FABP4: variants seen among roughly 807,000 people sequenced by gnomAD.
FABP4 encodes fatty acid-binding protein, adipocyte.
In FABP4, 17 loss-of-function variants were observed where a neutral mutation model predicts 14.6. That is an observed-to-expected ratio of 1.16 (90% CI 0.80 to 1.74). The LOEUF is 1.74. Ranked by LOEUF, FABP4 falls within the 40% of genes most tolerant of loss-of-function variation. The probability of loss-of-function intolerance (pLI) is 0.00; values close to 1 mark genes in which losing one functional copy is unlikely to be tolerated. For synonymous variants in FABP4, 54 were observed against 54.6 expected (o/e 0.99, Z 0.05); for missense variants, 149 against 160.3 (o/e 0.93, Z 0.38).
At chr8:81,479,234 A>C (rs977595252) in intron 3 of FABP4, among the ~76,000 whole-genome samples, 180 bp downstream of exon 3, 1 of 152,216 alleles carries the variant, frequency 6.6e-6, no homozygotes, top group Non-Finnish European at 1.5e-5. Flanking sequence ...CCTAGAAGAC[A>C]GCATGCCTTT....
rs971880246 is a variant in FABP4 at position 81,478,757 on chromosome 8, T to C, written c.*108A>G. 3.9e-6 allele frequency: 4 copies of C among 1,016,504 alleles called. No homozygotes were observed. Among genetic ancestry groups the C allele is most frequent in the African/African-American group, 1.6e-5 (1 of 62,146 alleles). 63.0% of individuals were successfully genotyped at this position (1,016,504 alleles called of 1,614,324 possible). On this transcript the variant is annotated 3_prime_UTR_variant, in exon 4 of 4. Coordinates refer to ENST00000256104, the MANE Select transcript of FABP4 (RefSeq NM_001442.3). ...GAATAAAATCAGCTTGGGAGAAAATTAGTTGCTTGCTAAATCATGGAAAAC... is the reference window on the plus strand; with the variant it reads ...GAATAAAATCAGCTTGGGAGAAAATCAGTTGCTTGCTAAATCATGGAAAAC...
chr8:81,481,078 G>A (rs1218806965), intron 1 of FABP4, among the ~76,000 whole-genome samples: 1 of 152,084 alleles, frequency 6.6e-6, no homozygotes, highest in East Asian at 1.9e-4. Flanking sequence ...AATTTTGGGG[G>A]TTAATGTAGA....
rs779713296 is a variant in FABP4, at chr8:81,478,949, G to GA, written c.349-35_349-34insT. On this transcript the variant is annotated intron_variant, in intron 3 of 3. Coordinates refer to ENST00000256104, the MANE Select transcript of FABP4 (RefSeq NM_001442.3). The stretch of plus-strand genomic sequence containing the variant: ...AAAAAACAATTCTTGGTCAATCACT[G>GA]GATTAAACCATGGATTTATTTATTG... 5 of 1,512,888 alleles carry GA rather than the reference G, an allele frequency of 3.3e-6. No homozygotes were observed. In the African/African-American group the frequency reaches 8.1e-5, roughly 25 times the overall value. The allele number at this position is 1,512,888 out of a possible 1,614,324, so 93.7% of individuals were successfully genotyped here.
intron 3 of FABP4, 75 bp from the exon 4 acceptor site, chr8:81,478,990 G>A: frequency 1.6e-6 from 2 of 1,237,748 alleles, no homozygotes; most frequent in South Asian, 2.5e-5. Context: ...CTGAATGTTG[G>A]GAATAAAACA....
At position 81,478,580 on chromosome 8, in the gene FABP4, ATGT is replaced by A. The variant is rs1808006127; in HGVS notation, c.*282_*284del. On this transcript the variant is annotated 3_prime_UTR_variant, in exon 4 of 4. Transcript: ENST00000256104. ...TTTTTACCTTGAATTATTATGAAATATGTTATTATTCATATCAGAACAAAGAAA... is the reference window on the plus strand; with the variant it reads ...TTTTTACCTTGAATTATTATGAAATATATTATTCATATCAGAACAAAGAAA... 1 of 283,924 alleles carries A rather than the reference ATGT, an allele frequency of 3.5e-6. No individual in the cohort carries two copies. The highest frequency in any genetic ancestry group is 2.2e-5 in the African/African-American group (1 of 45,854). 17.6% of individuals were successfully genotyped at this position (283,924 alleles called of 1,614,324 possible).
chr8:81,480,283 G>A, intron 2 of FABP4, 143 bp downstream of exon 2: 1 of 740,224 alleles, frequency 1.4e-6, no homozygotes, highest in Non-Finnish European at 2.1e-6. Flanking sequence ...CTATATCTAA[G>A]GAAACACAGT....
At chr8:81,481,143 C>T (rs977581413) in intron 1 of FABP4, among the ~76,000 whole-genome samples, 2 of 152,148 alleles carry the variant, frequency 1.3e-5, no homozygotes, top group Admixed American at 6.5e-5. Flanking sequence ...CATTTCATAG[C>T]ATTTGTTGCC....
Position 81,479,408 on chromosome 8 carries a change from A to G in FABP4, c.348+6T>C. Reference sequence around the variant, plus strand: ...ATCCAGAATTAAGTAGCTAGAAGATACTCACCACCACCAGTTTATCATCCT... The same window carrying G: ...ATCCAGAATTAAGTAGCTAGAAGATGCTCACCACCACCAGTTTATCATCCT... On this transcript the variant is annotated splice_donor_region_variant and intron_variant, in intron 3 of 3. Transcript: ENST00000256104. 6.2e-7 allele frequency: 1 copy of G among 1,606,686 alleles called. No homozygotes were observed. The highest frequency in any genetic ancestry group is 8.5e-7 in the Non-Finnish European group (1 of 1,173,582).
At position 81,478,812 on chromosome 8, in the gene FABP4, CAG is replaced by C; in HGVS notation, c.*51_*52del. On this transcript the variant is annotated 3_prime_UTR_variant, in exon 4 of 4. Transcript: ENST00000256104. Reference sequence around the variant, plus strand: ...ATATCTTTTTGAACAATATATCCCACAGAATGTTGTAGAGTTCAATGCGAACT... The same window carrying C: ...ATATCTTTTTGAACAATATATCCCACAATGTTGTAGAGTTCAATGCGAACT... The C allele has an allele frequency of 6.9e-7, 1 of 1,459,224 alleles. No individual in the cohort carries two copies. The highest frequency in any genetic ancestry group is 9.5e-7 in the Non-Finnish European group (1 of 1,054,994). The allele number at this position is 1,459,224 out of a possible 1,614,324, so 90.4% of individuals were successfully genotyped here. A position where few individuals can be genotyped will look rare whatever the true frequency, so the allele number is the denominator to read the frequency against.
chr8:81,480,981 T>TAATA (rs1808071369), intron 1 of FABP4, among the ~76,000 whole-genome samples: 1 of 152,196 alleles, frequency 6.6e-6, no homozygotes, highest in Non-Finnish European at 1.5e-5. Flanking sequence ...TTTTCTCTCT[T>TAATA]AATAAAATAC....
intron 2 of FABP4, 106 bp downstream of exon 2, chr8:81,480,320 G>A (rs1003231434): frequency 8.9e-7 from 1 of 1,117,584 alleles, no homozygotes; most frequent in African/African-American, 1.6e-5. Context: ...AGGGATCTTT[G>A]GCTTATGATA....
chr8:81,479,628 C>A, intron 2 of FABP4, 113 bp from the exon 3 acceptor site: 1 of 663,936 alleles, frequency 1.5e-6, no homozygotes, highest in Non-Finnish European at 2.6e-6. Flanking sequence ...TTCTAAATGA[C>A]AAGAATATAT....
chr8:81,483,003 G>A (rs1000773487), intron 1 of FABP4, 92 bp downstream of exon 1: 6 of 937,328 alleles, frequency 6.4e-6, no homozygotes, highest in East Asian at 2.8e-5. Context: ...TTCTGGCCAG[G>A]GCTTCCAGAC....
chr8:81,480,864 G>C, intron 1 of FABP4, among the ~76,000 whole-genome samples: 1 of 151,666 alleles, frequency 6.6e-6, no homozygotes, highest in Non-Finnish European at 1.5e-5. Context: ...CCCTTTCTCT[G>C]GTCTGGATAC....
intron 1 of FABP4, among the ~76,000 whole-genome samples, chr8:81,482,277 A>C (rs1461688670): frequency 2.0e-5 from 3 of 152,146 alleles, no homozygotes; most frequent in African/African-American, 7.2e-5. Flanking sequence ...CCCAGTTCTG[A>C]CTTTATTGGA....
At chr8:81,480,956 G>T (rs1202706876) in intron 1 of FABP4, among the ~76,000 whole-genome samples, 2 of 152,084 alleles carry the variant, frequency 1.3e-5, no homozygotes, top group Non-Finnish European at 2.9e-5. Flanking sequence ...TATTTAAAAT[G>T]TTAGCCACTG....
Position 81,479,479 on chromosome 8 carries a change from C to T in FABP4, c.283G>A (p.Val95Met), listed in dbSNP as rs1450734289. The change falls in exon 3 of 4, where the codon GTG (valine) becomes ATG (methionine). Residue 95 changes from valine to methionine, a missense_variant. Transcript: ENST00000256104. ...ITLDGGVLVH[V>M]QKWDGKSTTI... ...GTTGATTTTCCATCCCATTTCTGCA[C>T]ATGTACCAGGACACCCCCATCTAAG... 4 of 1,613,382 alleles carry T rather than the reference C, an allele frequency of 2.5e-6. No homozygotes were observed. Among genetic ancestry groups the T allele is most frequent in the African/African-American group, 1.3e-5 (1 of 74,972 alleles).
At chr8:81,479,235 G>A (rs1808023890) in intron 3 of FABP4, among the ~76,000 whole-genome samples, 179 bp downstream of exon 3, 1 of 152,156 alleles carries the variant, frequency 6.6e-6, no homozygotes, top group Non-Finnish European at 1.5e-5. Context: ...CTAGAAGACA[G>A]CATGCCTTTG....
chr8:81,479,518 G>A lies in FABP4; in HGVS notation c.247-3C>T, dbSNP rs112247859. 6.2e-7 allele frequency: 1 copy of A among 1,608,340 alleles called. No individual in the cohort carries two copies. Among genetic ancestry groups the A allele is most frequent in the Non-Finnish European group, 8.5e-7 (1 of 1,175,646 alleles). On this transcript the variant is annotated splice_polypyrimidine_tract_variant and splice_region_variant and intron_variant, in intron 2 of 3. Transcript: ENST00000256104. The stretch of plus-strand genomic sequence containing the variant: ...CCCCCATCTAAGGTTATGGTGCTCT[G>A]TAGGCATAAGAAAATGTAATGACAA...
Sources: allele counts gnomAD v4.1 joint callset (sites outside exome capture counted in the v4.1 genomes callset), GRCh38; gene constraint gnomAD v4.1.1; transcripts MANE v1.5; gene names NCBI Gene and HGNC (gene_info 2026-07-23, HGNC 2026-07-21).